CAMTA1: variants seen among roughly 807,000 people sequenced by gnomAD.
The protein encoded by CAMTA1 is calmodulin binding transcription activator 1, also known as calmodulin-binding transcription activator 1.
Under a neutral mutation model 170.9 loss-of-function variants are expected in CAMTA1, and 27 were observed. That is an observed-to-expected ratio of 0.16 (90% CI 0.12 to 0.22). The LOEUF is 0.22. CAMTA1 is among the 10% of genes least tolerant of loss of function. The probability of loss-of-function intolerance (pLI) is 1.00; values close to 1 mark genes in which losing one functional copy is unlikely to be tolerated. For missense variants in CAMTA1, 1,619 were observed against 2,217.2 expected (o/e 0.73, Z 5.42); for synonymous variants, 833 against 891.5 (o/e 0.93, Z 1.17).
At chr1:7,566,082 TGGATGTGGCA>T (rs1008354780) in intron 6 of CAMTA1, among the ~76,000 whole-genome samples, 1 of 152,168 alleles carries the variant, frequency 6.6e-6, no homozygotes, top group African/African-American at 2.4e-5. Flanking sequence ...CTTCAACATA[TGGATGTGGCA>T]GGATACAATT....
chr1:6,786,675 C>T (rs1254207054), intron 1 of CAMTA1, among the ~76,000 whole-genome samples: 1 of 152,160 alleles, frequency 6.6e-6, no homozygotes, highest in Non-Finnish European at 1.5e-5. Context: ...CCTAAATACC[C>T]TTTGAGTTGC....
At chr1:7,147,082 AAC>A (rs961499313) in intron 4 of CAMTA1, among the ~76,000 whole-genome samples, 6 of 151,296 alleles carry the variant, frequency 4.0e-5, no homozygotes, top group African/African-American at 7.3e-5. Context: ...TGCACACAAA[AAC>A]ACACTCATGT....
chr1:7,210,613 C>G (rs1389891664), intron 4 of CAMTA1, among the ~76,000 whole-genome samples: 5 of 152,118 alleles, frequency 3.3e-5, no homozygotes, highest in African/African-American at 1.2e-4. Context: ...ACTTTTACCC[C>G]TTGATTTAGC....
intron 11 of CAMTA1, among the ~76,000 whole-genome samples, chr1:7,704,929 C>G (rs1385976087): frequency 1.6e-5 from 2 of 122,460 alleles, no homozygotes; most frequent in African/African-American, 6.0e-5. Context: ...AGGCGGAGGG[C>G]GCGTGCGGTC....
intron 4 of CAMTA1, among the ~76,000 whole-genome samples, chr1:7,186,880 G>C (rs1653402880): frequency 6.6e-6 from 1 of 152,140 alleles, no homozygotes; most frequent in Admixed American, 6.5e-5. Flanking sequence ...CTGGTGAGGT[G>C]CAGTTCAGGA....
At chr1:7,291,734 G>T (rs1673167555) in intron 5 of CAMTA1, among the ~76,000 whole-genome samples, 1 of 152,240 alleles carries the variant, frequency 6.6e-6, no homozygotes, top group African/African-American at 2.4e-5. Context: ...GTGAGAACTG[G>T]GCAGCCAGCC....
At position 6,833,842 on chromosome 1, in the gene CAMTA1, A is replaced by G. The variant is rs551609481; in HGVS notation, c.234+8632A>G. 3.3e-5 allele frequency among the ~76,000 whole-genome samples: 5 copies of G among 152,324 alleles called. No individual in the cohort carries two copies. The South Asian group carries it at 1.0e-3, about 32-fold the overall frequency. ...AGATTATACATTAAATTAAGATGCA[A>G]AGTTAAAAATTTTATATGGACTTAC... On this transcript the variant is annotated intron_variant, in intron 3 of 22. Transcript: ENST00000303635.
chr1:7,750,248 G>A (rs1204233288), intron 19 of CAMTA1, among the ~76,000 whole-genome samples: 1 of 152,174 alleles, frequency 6.6e-6, no homozygotes, highest in African/African-American at 2.4e-5. Context: ...GAAGGGTCCT[G>A]GTTCTTGGAC....
intron 5 of CAMTA1, among the ~76,000 whole-genome samples, chr1:7,462,720 C>G (rs1377112513): frequency 1.3e-5 from 2 of 152,206 alleles, no homozygotes; most frequent in African/African-American, 4.8e-5. Flanking sequence ...CCCCATTCCT[C>G]CTGCCGCTCC....
At chr1:7,157,456 A>C (rs909801571) in intron 4 of CAMTA1, among the ~76,000 whole-genome samples, 4 of 152,204 alleles carry the variant, frequency 2.6e-5, no homozygotes, top group Non-Finnish European at 5.9e-5. Flanking sequence ...AGCTATCAAA[A>C]GTCTGTAGCA....
intron 3 of CAMTA1, among the ~76,000 whole-genome samples, chr1:6,932,341 G>A (rs1047780566): frequency 6.6e-6 from 1 of 152,200 alleles, no homozygotes; most frequent in African/African-American, 2.4e-5. Flanking sequence ...TCCATGTTGT[G>A]TGTATCAGTA....
intron 11 of CAMTA1, among the ~76,000 whole-genome samples, chr1:7,692,467 TC>T (rs1251457467): frequency 1.3e-5 from 2 of 152,012 alleles, no homozygotes; most frequent in Non-Finnish European, 2.9e-5. Flanking sequence ...CATCTGACCC[TC>T]TGTAATGCCC....
intron 6 of CAMTA1, among the ~76,000 whole-genome samples, chr1:7,593,393 C>G (rs541833585): frequency 6.6e-6 from 1 of 151,702 alleles, no homozygotes; most frequent in East Asian, 1.9e-4. Context: ...TATCTAGATG[C>G]GTATCTAGAT....
rs1412115173 is a variant in CAMTA1 at position 7,751,323 on chromosome 1, G to A, written c.4814G>A (p.Arg1605Gln). Residue 1605 changes from arginine (R) to glutamine (Q), a missense_variant, in exon 20 of 23, where the codon CGA (arginine) becomes CAA (glutamine). Arg to Gln is a conservative substitution (Grantham distance 43). Around this residue, in one of 8 missense-constraint regions of CAMTA1, gnomAD observed 128 missense variants for 213.5 expected, o/e 0.60. Coordinates refer to ENST00000303635, the MANE Select transcript of CAMTA1 (RefSeq NM_015215.4). ...GCTGTGCTCATCCAAAAGTACTACC[G>A]AAGTTATAAGAAATGTGGCAAAAGA... Reference protein sequence around the residue: ...RAAVLIQKYYRSYKKCGKRRQ... With the variant: ...RAAVLIQKYYQSYKKCGKRRQ... The A allele has an allele frequency of 1.9e-6, 3 of 1,611,324 alleles. No homozygotes were observed. The highest frequency in any genetic ancestry group is 1.7e-6 in the Non-Finnish European group (2 of 1,179,412).
chr1:7,142,406 G>C (rs1332432194), intron 4 of CAMTA1, among the ~76,000 whole-genome samples: 2 of 152,144 alleles, frequency 1.3e-5, no homozygotes, highest in Non-Finnish European at 2.9e-5. Context: ...CACCCAGCTC[G>C]GCCTCCAGGT....
Position 6,961,170 on chromosome 1 carries a change from C to T in CAMTA1, c.235-130134C>T, listed in dbSNP as rs139000735. Among the ~76,000 whole-genome samples, 9 of 152,286 alleles carry T rather than the reference C, an allele frequency of 5.9e-5. No homozygotes were observed. The East Asian group carries it at 1.7e-3, about 29-fold the overall frequency. On this transcript the variant is annotated intron_variant, in intron 3 of 22. Coordinates refer to ENST00000303635, the MANE Select transcript of CAMTA1 (RefSeq NM_015215.4). ...TGAATTTAGGAAGGTTTGGAGAAAG[C>T]GATTGGGCTGCGATGCAGTTAAGTT...
intron 5 of CAMTA1, among the ~76,000 whole-genome samples, chr1:7,261,817 T>A (rs1273558873): frequency 6.6e-6 from 1 of 152,240 alleles, no homozygotes; most frequent in Non-Finnish European, 1.5e-5. Context: ...GTGTTGGCGT[T>A]GTCTGATAGC....
intron 1 of CAMTA1, among the ~76,000 whole-genome samples, chr1:6,808,080 G>A (rs1439863217): frequency 6.6e-6 from 1 of 151,890 alleles, no homozygotes; most frequent in Non-Finnish European, 1.5e-5. Context: ...GAGGCATAGA[G>A]CCAAGAGAGT....
chr1:6,970,008 G>A lies in CAMTA1; in HGVS notation c.235-121296G>A, dbSNP rs1692248960. Among the ~76,000 whole-genome samples the A allele has an allele frequency of 6.6e-6, 1 of 152,134 alleles. No individual in the cohort carries two copies. Among genetic ancestry groups the A allele is most frequent in the Non-Finnish European group, 1.5e-5 (1 of 68,036 alleles). On this transcript the variant is annotated intron_variant, in intron 3 of 22. Coordinates refer to ENST00000303635, the MANE Select transcript of CAMTA1 (RefSeq NM_015215.4). The surrounding 1 kb of genome is among the most constrained non-coding windows in gnomAD (Gnocchi z 4.4). ...TCACCACCACCACAGTCAAGGTGCA[G>A]AATTGTTCCATCTCCACAGACATCC...
Sources: allele counts gnomAD v4.1 joint callset (sites outside exome capture counted in the v4.1 genomes callset), GRCh38; gene constraint gnomAD v4.1.1; regional missense constraint gnomAD v4.1.1; non-coding constraint Gnocchi (gnomAD v3.1); transcripts MANE v1.5; gene names NCBI Gene and HGNC (gene_info 2026-07-23, HGNC 2026-07-21).